The following ARHGEF28 variants were observed in gnomAD, a reference collection of about 807,000 sequenced individuals.
ARHGEF28 encodes Rho guanine nucleotide exchange factor 28.
Under a neutral mutation model 206.6 loss-of-function variants are expected in ARHGEF28, and 152 were observed. That is an observed-to-expected ratio of 0.74 (90% confidence interval 0.64 to 0.84). ARHGEF28 has a LOEUF of 0.84. Among genes scored for constraint, ARHGEF28 ranks in the 40% least tolerant of loss-of-function variants. ARHGEF28 has a pLI of 0.00. For missense variants in ARHGEF28, 2,028 were observed against 2,073.2 expected, an observed-to-expected ratio of 0.98 and a Z score of 0.42; for synonymous variants, 763 against 776.4, an observed-to-expected ratio of 0.98 and a Z score of 0.29.
At chr5:73,804,547 T>C (rs1755329788) in intron 9 of ARHGEF28, among the ~76,000 whole-genome samples, 1 of 152,222 alleles carries the variant, frequency 6.6e-6, no homozygotes, top group Non-Finnish European at 1.5e-5. Flanking sequence ...TAAATTTATC[T>C]TTTAAGAACA....
At chr5:73,820,169 G>A (rs1002863178) in intron 9 of ARHGEF28, among the ~76,000 whole-genome samples, 25 of 152,234 alleles carry the variant, frequency 1.6e-4, no homozygotes, top group Middle Eastern at 6.8e-3. Context: ...CATCTTCATG[G>A]GGTCCCACTC....
intron 4 of ARHGEF28, among the ~76,000 whole-genome samples, chr5:73,765,392 C>A (rs530779395): frequency 1.9e-4 from 29 of 152,304 alleles, no homozygotes; most frequent in Non-Finnish European, 4.1e-4. Context: ...TCTTGTGATG[C>A]TGGACAGTAA....
chr5:73,799,924 G>C (rs1755037075), intron 9 of ARHGEF28, among the ~76,000 whole-genome samples: 1 of 152,138 alleles, frequency 6.6e-6, no homozygotes, highest in Non-Finnish European at 1.5e-5. Flanking sequence ...ACTCTTCCAG[G>C]TCTGGCTGGT....
At chr5:73,838,554 C>T (rs1203712568) in intron 10 of ARHGEF28, among the ~76,000 whole-genome samples, 1 of 152,164 alleles carries the variant, frequency 6.6e-6, no homozygotes, top group African/African-American at 2.4e-5. Context: ...AATTTCAGTA[C>T]AGAGAATCCC....
At chr5:73,790,340 A>G (rs1754405246) in intron 7 of ARHGEF28, among the ~76,000 whole-genome samples, 1 of 152,010 alleles carries the variant, frequency 6.6e-6, no homozygotes, top group Admixed American at 6.6e-5. Context: ...TCTTTAAAAA[A>G]AGAAACACAA....
chr5:73,922,689 T>G (rs915961082), intron 35 of ARHGEF28, among the ~76,000 whole-genome samples: 9 of 152,218 alleles, frequency 5.9e-5, no homozygotes, highest in African/African-American at 1.9e-4. Flanking sequence ...TTTTGGAATG[T>G]TCTTATAACA....
At chr5:73,709,132 T>A (rs997810772) in intron 2 of ARHGEF28, among the ~76,000 whole-genome samples, 1 of 152,224 alleles carries the variant, frequency 6.6e-6, no homozygotes, top group Non-Finnish European at 1.5e-5. Flanking sequence ...ACGTTTGTAA[T>A]ACAGTTAGAT....
At chr5:73,799,563 G>A (rs992487530) in intron 9 of ARHGEF28, among the ~76,000 whole-genome samples, 1 of 152,182 alleles carries the variant, frequency 6.6e-6, no homozygotes, top group African/African-American at 2.4e-5. Context: ...TGTGAGTGAG[G>A]TTGTGGGTGA....
At chr5:73,739,234 G>A (rs1327086949) in intron 2 of ARHGEF28, among the ~76,000 whole-genome samples, 1 of 151,846 alleles carries the variant, frequency 6.6e-6, no homozygotes, top group African/African-American at 2.4e-5. Flanking sequence ...TTGTCAATTC[G>A]ATGGAAAAAT....
chr5:73,891,670 G>A (rs1403187851), intron 26 of ARHGEF28, among the ~76,000 whole-genome samples: 6 of 151,764 alleles, frequency 4.0e-5, no homozygotes, highest in Non-Finnish European at 5.9e-5. Flanking sequence ...GACTACAGGC[G>A]CACACCAGCA....
At chr5:73,683,359 G>A (rs1295289251) in intron 1 of ARHGEF28, among the ~76,000 whole-genome samples, 1 of 151,968 alleles carries the variant, frequency 6.6e-6, no homozygotes, top group Non-Finnish European at 1.5e-5. Flanking sequence ...AGTCCTCTGT[G>A]TCCCACCCCT....
intron 10 of ARHGEF28, among the ~76,000 whole-genome samples, chr5:73,834,338 C>A (rs72772515): frequency 0.026 from 3,896 of 152,186 alleles, 87 homozygotes; most frequent in Non-Finnish European, 0.038. Context: ...TTCACCATTT[C>A]CCCCACCCTC....
chr5:73,787,168 C>T (rs1205981124), intron 7 of ARHGEF28, among the ~76,000 whole-genome samples: 2 of 152,180 alleles, frequency 1.3e-5, no homozygotes, highest in East Asian at 1.9e-4. Flanking sequence ...TAAGCCAGGA[C>T]AGCTGGGACC....
chr5:73,885,816 T>C (rs757996575), intron 24 of ARHGEF28, 34 bp from the exon 25 acceptor site: 39 of 1,579,918 alleles, frequency 2.5e-5, no homozygotes, highest in Non-Finnish European at 3.2e-5. Context: ...TATTGTATAG[T>C]ATTTTTGTTT....
At chr5:73,849,339 T>A (rs1320204586) in intron 13 of ARHGEF28, among the ~76,000 whole-genome samples, 1 of 152,132 alleles carries the variant, frequency 6.6e-6, no homozygotes, top group Admixed American at 6.5e-5. Context: ...TTGAATAAAA[T>A]GTTTTCCTCA....
rs61739928 is a variant in ARHGEF28, at chr5:73,858,154, C to T, written c.1982C>T (p.Ser661Phe). Residue 661 changes from serine (S) to phenylalanine (F), a missense_variant, in exon 16 of 36, where the codon TCT becomes TTT. Ser to Phe is a radical substitution (Grantham distance 155). This residue lies in a region of ARHGEF28 where 1,002 missense variants were observed against 1,015.3 expected (regional missense o/e 0.99). Transcript: ENST00000513042. ...CATCAGTTTGCCCCAGGAACATTCT[C>T]TGGGGTTCTGCAGTGTTTGGTTTGT... Reference protein sequence around the residue: ...NRHQFAPGTFSGVLQCLVCDK... With the variant: ...NRHQFAPGTFFGVLQCLVCDK... 1,668 of 1,612,400 alleles carry T rather than the reference C, an allele frequency of 1.0e-3. 2 individuals are homozygous for T. Among genetic ancestry groups the T allele is most frequent in the Non-Finnish European group, 1.2e-3 (1,426 of 1,179,418 alleles).
chr5:73,798,292 A>G (rs1209660116), intron 9 of ARHGEF28, among the ~76,000 whole-genome samples: 1 of 152,142 alleles, frequency 6.6e-6, no homozygotes, highest in African/African-American at 2.4e-5. Context: ...TAGTCACTCT[A>G]TTGTGCTATC....
At chr5:73,646,489 G>A (rs567866977) in intron 1 of ARHGEF28, among the ~76,000 whole-genome samples, 3 of 152,254 alleles carry the variant, frequency 2.0e-5, no homozygotes, top group South Asian at 2.1e-4. Context: ...TGGTGTTCCC[G>A]CTCTCCATCT....
At chr5:73,685,232 G>A (rs1007766955) in intron 2 of ARHGEF28, among the ~76,000 whole-genome samples, 5 of 152,076 alleles carry the variant, frequency 3.3e-5, no homozygotes, top group African/African-American at 1.2e-4. Context: ...TGAGGGGAAG[G>A]TTTCATGATA....
Sources: allele counts gnomAD v4.1 joint callset (sites outside exome capture counted in the v4.1 genomes callset), GRCh38; gene constraint gnomAD v4.1.1; regional missense constraint gnomAD v4.1.1; transcripts MANE v1.5; gene names NCBI Gene and HGNC (gene_info 2026-07-23, HGNC 2026-07-21).